PRR12: variants seen among roughly 807,000 people sequenced by gnomAD.
PRR12 encodes the protein proline rich 12, also known as proline-rich protein 12.
In PRR12, 12 loss-of-function variants were observed where a neutral mutation model predicts 138.0. The observed-to-expected ratio is 0.09, with a 90% confidence interval of 0.06 to 0.14. The LOEUF (loss-of-function observed/expected upper bound fraction) is 0.14. Among genes scored for constraint, PRR12 ranks in the 10% least tolerant of loss-of-function variants. The pLI is 1.00. For synonymous variants in PRR12, 1,567 were observed against 1,291.7 expected (o/e 1.21, Z -4.57); for missense variants, 2,692 against 2,861.3 (o/e 0.94, Z 1.35).
rs2080891913 is a variant in PRR12, at chr19:49,616,143, C to T, written c.5421C>T (p.Gly1807=). The T allele has an allele frequency of 2.6e-6, 4 of 1,566,022 alleles. No individual in the cohort carries two copies. Among genetic ancestry groups the T allele is most frequent in the Non-Finnish European group, 3.5e-6 (4 of 1,155,966 alleles). ...KRKKWLKEAG[G]NATAGGGPPG... ...AGAAATGGCTGAAGGAGGCAGGCGGCAACGCTACAGCAGGCGGGGGCCCAC... is the reference window on the plus strand; with the variant it reads ...AGAAATGGCTGAAGGAGGCAGGCGGTAACGCTACAGCAGGCGGGGGCCCAC... The change falls in exon 9 of 14, where the codon GGC becomes GGT. Residue 1807 remains glycine, a synonymous_variant. Coordinates refer to ENST00000418929, the MANE Select transcript of PRR12 (RefSeq NM_020719.3). The surrounding 1 kb of genome is among the most constrained non-coding windows in gnomAD (Gnocchi z 4.2).
rs1048122577 is a variant in PRR12, at chr19:49,594,991, T to C, written c.656T>C (p.Leu219Pro). ...AGGGVLGPAG[L>P]GPAQTPPYRP... ...GGCGGTGTCTTGGGGCCAGCTGGTCTCGGTCCAGCCCAGACCCCCCCTTAC... is the reference window on the plus strand; with the variant it reads ...GGCGGTGTCTTGGGGCCAGCTGGTCCCGGTCCAGCCCAGACCCCCCCTTAC... Residue 219 changes from leucine (L) to proline (P), a missense_variant, in exon 4 of 14, where the codon CTC becomes CCC. Physicochemically the swap from Leu to Pro is moderately conservative, Grantham distance 98. Coordinates refer to ENST00000418929, the MANE Select transcript of PRR12 (RefSeq NM_020719.3). The surrounding 1 kb of genome is among the most constrained non-coding windows in gnomAD (Gnocchi z 5.6). The C allele has an allele frequency of 6.3e-7, 1 of 1,599,306 alleles. No homozygotes were observed. The highest frequency in any genetic ancestry group is 1.3e-5 in the African/African-American group (1 of 74,490).
At chr19:49,593,255 G>A in intron 1 of PRR12, 72 bp from the exon 2 acceptor site, 2 of 525,592 alleles carry the variant, frequency 3.8e-6, no homozygotes, top group Non-Finnish European at 6.2e-6. Context: ...CCAACTCCCC[G>A]GGGGGTTTTC....
chr19:49,601,575 C>T lies in PRR12; in HGVS notation c.4430C>T (p.Pro1477Leu), dbSNP rs746132380. ...PQPQPPPPPP[P>L]PQPALPSPPP... Reference sequence around the variant, plus strand: ...CCTCAGCCTCCGCCACCCCCTCCGCCGCCACAGCCAGCCCTGCCCTCGCCA... The same window carrying T: ...CCTCAGCCTCCGCCACCCCCTCCGCTGCCACAGCCAGCCCTGCCCTCGCCA... The change falls in exon 6 of 14, where the codon CCG becomes CTG. Residue 1477 changes from proline to leucine, a missense_variant. This residue lies in a region of PRR12 where 231 missense variants were observed against 200.8 expected (regional missense o/e 1.15). Transcript: ENST00000418929. The T allele has an allele frequency of 1.7e-5, 26 of 1,542,770 alleles. No homozygotes were observed. Among genetic ancestry groups the T allele is most frequent in the East Asian group, 4.9e-5 (2 of 40,872 alleles).
At chr19:49,613,586 A>G (rs1320269773) in intron 6 of PRR12, among the ~76,000 whole-genome samples, 1 of 152,160 alleles carries the variant, frequency 6.6e-6, no homozygotes, top group Non-Finnish European at 1.5e-5. Flanking sequence ...CAGGGGGAGC[A>G]GAGATAGGGA....
intron 11 of PRR12, among the ~76,000 whole-genome samples, chr19:49,621,971 C>T (rs2080925864): frequency 6.6e-6 from 1 of 152,142 alleles, no homozygotes; most frequent in South Asian, 2.1e-4. Flanking sequence ...CTATTAGGAT[C>T]CCAGGCTTCA....
At position 49,617,134 on chromosome 19, in the gene PRR12, A is replaced by G. The variant is rs570882275; in HGVS notation, c.5497+915A>G. On this transcript the variant is annotated intron_variant, in intron 9 of 13. Coordinates refer to ENST00000418929, the MANE Select transcript of PRR12 (RefSeq NM_020719.3). ...TGACAGAACAAGACTCCGTCTCAAA[A>G]AAAAAAAAAAAAGTCTGGTTAGTGA... Among the ~76,000 whole-genome samples the G allele has an allele frequency of 3.3e-5, 5 of 151,596 alleles. No individual in the cohort carries two copies. In the South Asian group the frequency reaches 1.0e-3, roughly 31 times the overall value.
In PRR12 at chr19:49,596,729, C is replaced by G; in HGVS notation, c.2394C>G (p.Pro798=). ...PDLPLVLPPP[P]PQLLPSVLSH... ...TCCCACTGGTGCTGCCTCCGCCTCC[C>G]CCCCAGCTGCTCCCCTCGGTCCTCA... is the stretch of plus-strand genomic sequence containing the variant. Residue 798 remains proline, a synonymous_variant, in exon 4 of 14, where the codon CCC becomes CCG. Coordinates refer to ENST00000418929, the MANE Select transcript of PRR12 (RefSeq NM_020719.3). The surrounding 1 kb of genome is among the most constrained non-coding windows in gnomAD (Gnocchi z 5.6). The G allele has an allele frequency of 6.2e-7, 1 of 1,605,104 alleles. No homozygotes were observed. Among genetic ancestry groups the G allele is most frequent in the South Asian group, 1.1e-5 (1 of 90,880 alleles).
Position 49,599,599 on chromosome 19 carries a change from C to A in PRR12, c.4006C>A (p.Pro1336Thr). The change falls in exon 5 of 14, where the codon CCA (proline) becomes ACA (threonine). Residue 1336 changes from proline to threonine, a missense_variant. Around this residue, in one of 11 missense-constraint regions of PRR12, gnomAD observed 326 missense variants for 344.2 expected, o/e 0.95. Coordinates refer to ENST00000418929, the MANE Select transcript of PRR12 (RefSeq NM_020719.3). The surrounding 1 kb of genome is among the most constrained non-coding windows in gnomAD (Gnocchi z 5.0). The part of the protein sequence containing the change: ...PPATPAVPHP[P>T]PSGAFGLGGA... ...TGCCACCCCTGCTGTGCCACATCCC[C>A]CACCTTCCGGAGCCTTTGGGCTTGG... 6.3e-7 allele frequency: 1 copy of A among 1,598,634 alleles called. No homozygotes were observed. Among genetic ancestry groups the A allele is most frequent in the Non-Finnish European group, 8.5e-7 (1 of 1,172,012 alleles).
At chr19:49,610,702 C>T (rs529701400) in intron 6 of PRR12, among the ~76,000 whole-genome samples, 30 of 152,024 alleles carry the variant, frequency 2.0e-4, no homozygotes, top group East Asian at 9.7e-4. Flanking sequence ...CCACCACGTC[C>T]GTCTAATTTT....
Position 49,594,923 on chromosome 19 carries a change from A to C in PRR12, c.588A>C (p.Ala196=), listed in dbSNP as rs1174840382. The C allele has an allele frequency of 1.9e-6, 3 of 1,606,434 alleles. No individual in the cohort carries two copies. In the African/African-American group the frequency reaches 4.0e-5, roughly 22 times the overall value. Reference sequence around the variant, plus strand: ...TGCTGCACCTGAAGCCCTCGCAGGCACCCACGGTGCCCTCTTCACTGGGCT... The same window carrying C: ...TGCTGCACCTGAAGCCCTCGCAGGCCCCCACGGTGCCCTCTTCACTGGGCT... ...HDVLHLKPSQ[A]PTVPSSLGFE... The change falls in exon 4 of 14, where the codon GCA becomes GCC. Residue 196 remains alanine (A), a synonymous_variant. Coordinates refer to ENST00000418929, the MANE Select transcript of PRR12 (RefSeq NM_020719.3). This position sits in a 1 kb window ranked among gnomAD's most constrained non-coding sequence, Gnocchi z 5.6.
chr19:49,622,955 A>G (rs1157140963), intron 11 of PRR12, among the ~76,000 whole-genome samples: 1 of 108,430 alleles, frequency 9.2e-6, no homozygotes, highest in African/African-American at 4.7e-5. Flanking sequence ...AGAGAGAGAG[A>G]GAAAGAGAGA....
In PRR12 at chr19:49,597,840, C is replaced by A; in HGVS notation, c.3505C>A (p.Arg1169=). ...GAAGGCGAAACGTGATGGGCCACCC[C>A]GGCCACGGGGGAGGCCCCGGATCCG... The part of the protein sequence containing the change: ...PTKAKRDGPP[R]PRGRPRIRPL... Residue 1169 remains arginine (R), a synonymous_variant, in exon 4 of 14, where the codon CGG becomes AGG. Coordinates refer to ENST00000418929, the MANE Select transcript of PRR12 (RefSeq NM_020719.3). The surrounding 1 kb of genome is among the most constrained non-coding windows in gnomAD (Gnocchi z 6.3). 6.7e-7 allele frequency: 1 copy of A among 1,488,496 alleles called. No individual in the cohort carries two copies. The allele number at this position is 1,488,496 out of a possible 1,614,324, so 92.2% of individuals were successfully genotyped here. A position where few individuals can be genotyped will look rare whatever the true frequency, so the allele number is the denominator to read the frequency against.
intron 5 of PRR12, 86 bp from the exon 6 acceptor site, chr19:49,601,405 G>A (rs2080809039): frequency 2.7e-6 from 2 of 747,070 alleles, no homozygotes; most frequent in Non-Finnish European, 4.4e-6. Context: ...GGGGCTTTTG[G>A]TATAGAAAGC....
chr19:49,615,614 A>ATCAGAGTCCCAGAGAGGGAGGGGT, intron 8 of PRR12, 133 bp from the exon 9 acceptor site: 1 of 737,542 alleles, frequency 1.4e-6, no homozygotes, highest in South Asian at 1.9e-5. Flanking sequence ...GAGGGAGGGG[A>ATCAGAGTCCCAGAGAGGGAGGGGT]ACAGAGACCA....
chr19:49,615,088 C>G, intron 8 of PRR12, 79 bp downstream of exon 8: 1 of 1,575,716 alleles, frequency 6.3e-7, no homozygotes, highest in South Asian at 1.1e-5. Flanking sequence ...AGAGAGAAGG[C>G]TGGAGAGTGG....
In PRR12 at chr19:49,599,541, T is replaced by A; in HGVS notation, c.3948T>A (p.Ser1316=). Residue 1316 remains serine, a synonymous_variant, in exon 5 of 14, where the codon TCT becomes TCA. Coordinates refer to ENST00000418929, the MANE Select transcript of PRR12 (RefSeq NM_020719.3). The surrounding 1 kb of genome is among the most constrained non-coding windows in gnomAD (Gnocchi z 5.0). ...PLSPPKSVPP[S]VPARGLQPQP... ...GCCCTCCCAAGAGTGTGCCACCCTC[T>A]GTGCCAGCCCGAGGCCTGCAGCCCC... The A allele has an allele frequency of 6.3e-7, 1 of 1,596,568 alleles. No individual in the cohort carries two copies. The highest frequency in any genetic ancestry group is 2.3e-5 in the East Asian group (1 of 44,126).
At chr19:49,605,600 G>A (rs549954037) in intron 6 of PRR12, among the ~76,000 whole-genome samples, 86 of 152,362 alleles carry the variant, frequency 5.6e-4, no homozygotes, top group African/African-American at 1.4e-3. Flanking sequence ...GCCATGCACC[G>A]TGTACGTTCT....
rs75236148 is a variant in PRR12, at chr19:49,599,010, C to A, written c.3679-262C>A. 2.4e-4 allele frequency among the ~76,000 whole-genome samples: 37 copies of A among 152,206 alleles called. No individual in the cohort carries two copies. The highest frequency in any genetic ancestry group is 8.9e-4 in the African/African-American group (37 of 41,526). On this transcript the variant is annotated intron_variant, in intron 4 of 13. Transcript: ENST00000418929. The surrounding 1 kb of genome is among the most constrained non-coding windows in gnomAD (Gnocchi z 5.0). The stretch of plus-strand genomic sequence containing the variant: ...AAAGGATGGGCATTCAGGGATCCTA[C>A]ATTCCTGGGTCTCATGGGAAGCGGG...
In PRR12 at chr19:49,595,570, C is replaced by A. The variant is rs758139786; in HGVS notation, c.1235C>A (p.Thr412Asn). 6.3e-7 allele frequency: 1 copy of A among 1,598,238 alleles called. No individual in the cohort carries two copies. The highest frequency in any genetic ancestry group is 1.1e-5 in the South Asian group (1 of 88,808). The stretch of plus-strand genomic sequence containing the variant: ...ACCAGGCCCCCCCCACCCCGTTCGA[C>A]CGCCACCCCCAAATGTCAGAGCCTG... ...GATRPPPPRS[T>N]ATPKCQSLGG... is the part of the protein sequence containing the mutation. The change falls in exon 4 of 14, where the codon ACC (threonine) becomes AAC (asparagine). Residue 412 changes from threonine to asparagine, a missense_variant. This residue lies in a region of PRR12 where 523 missense variants were observed against 496.4 expected (regional missense o/e 1.05). Coordinates refer to ENST00000418929, the MANE Select transcript of PRR12 (RefSeq NM_020719.3).
Sources: allele counts gnomAD v4.1 joint callset (sites outside exome capture counted in the v4.1 genomes callset), GRCh38; gene constraint gnomAD v4.1.1; regional missense constraint gnomAD v4.1.1; non-coding constraint Gnocchi (gnomAD v3.1); transcripts MANE v1.5; gene names NCBI Gene and HGNC (gene_info 2026-07-23, HGNC 2026-07-21).